The following SGCD variants were observed in gnomAD, a reference collection of about 807,000 sequenced individuals.
SGCD encodes sarcoglycan delta, also known as delta-sarcoglycan.
In SGCD, 18 loss-of-function variants were observed where a neutral mutation model predicts 36.6. The observed-to-expected ratio is 0.49, with a 90% CI of 0.34 to 0.73. The LOEUF (loss-of-function observed/expected upper bound fraction) is 0.73. SGCD is among the 30% of genes least tolerant of loss of function. SGCD has a pLI of 0.01. For synonymous variants in SGCD, 133 were observed against 130.6 expected (o/e 1.02, Z -0.12); for missense variants, 387 against 346.7 (o/e 1.12, Z -0.92).
At chr5:156,123,162 G>A (rs1426052466) in intron 2 of SGCD, among the ~76,000 whole-genome samples, 1 of 152,148 alleles carries the variant, frequency 6.6e-6, no homozygotes, top group Non-Finnish European at 1.5e-5. Flanking sequence ...TTGTTGAAGA[G>A]TCAGTTGATT....
At chr5:155,768,499 C>G in the SGCD span, among the ~76,000 whole-genome samples, 1 of 152,052 alleles carries the variant, frequency 6.6e-6, no homozygotes, top group African/African-American at 2.4e-5. Flanking sequence ...AATTGTCATG[C>G]TCTGGTGGAA....
At chr5:155,874,246 CT>C (rs909814493) in intron 1 of SGCD, among the ~76,000 whole-genome samples, 25 of 152,118 alleles carry the variant, frequency 1.6e-4, no homozygotes, top group African/African-American at 5.8e-4. Flanking sequence ...AAGGAAAGAG[CT>C]TTTTTTACAA....
chr5:156,222,227 A>G (rs189476422), intron 3 of SGCD, among the ~76,000 whole-genome samples: 104 of 152,206 alleles, frequency 6.8e-4, no homozygotes, highest in African/African-American at 2.3e-3. Flanking sequence ...AGAAGTTCCC[A>G]TGAGGGACAG....
chr5:156,335,380 G>T (rs1444826746), intron 2 of SGCD, among the ~76,000 whole-genome samples: 1 of 152,170 alleles, frequency 6.6e-6, no homozygotes, highest in African/African-American at 2.4e-5. Context: ...TGGTTTCTCA[G>T]GACTTGCCTG....
intron 3 of SGCD, among the ~76,000 whole-genome samples, chr5:156,478,294 AG>A (rs1755276923): frequency 6.6e-6 from 1 of 152,198 alleles, no homozygotes; most frequent in Admixed American, 6.5e-5. Flanking sequence ...AGTTGAGCTC[AG>A]CCTCAGACCT....
intron 1 of SGCD, among the ~76,000 whole-genome samples, chr5:156,020,792 T>C (rs1045062652): frequency 1.3e-5 from 2 of 150,042 alleles, no homozygotes; most frequent in Non-Finnish European, 2.9e-5. Flanking sequence ...TCTCATTTAG[T>C]TCTCATAACA....
At chr5:155,730,445 CTGTGTGTGTGTG>C in the SGCD span, among the ~76,000 whole-genome samples, 2,054 of 137,296 alleles carry the variant, frequency 0.015, 33 homozygotes, top group Admixed American at 0.023. Flanking sequence ...GGTAGAGCAG[CTGTGTGTGTGTG>C]TGTGTGTGTG....
intron 3 of SGCD, among the ~76,000 whole-genome samples, chr5:156,245,709 G>T (rs1300476403): frequency 6.6e-6 from 1 of 151,646 alleles, no homozygotes; most frequent in Non-Finnish European, 1.5e-5. Context: ...AACACCATGG[G>T]GATGCAACCA....
chr5:156,156,504 G>A (rs1762968557), intron 3 of SGCD, among the ~76,000 whole-genome samples: 1 of 151,506 alleles, frequency 6.6e-6, no homozygotes. Context: ...TGCGCCAGTA[G>A]TCCCAACTAC....
chr5:155,869,294 G>A (rs960951990), upstream of SGCD, among the ~76,000 whole-genome samples: 1 of 152,106 alleles, frequency 6.6e-6, no homozygotes, highest in Admixed American at 6.6e-5. Context: ...CTGATATTTA[G>A]CAAAGGTTCA....
chr5:155,868,570 A>G (rs940090400), upstream of SGCD, among the ~76,000 whole-genome samples: 6 of 151,936 alleles, frequency 3.9e-5, no homozygotes, highest in Admixed American at 6.6e-5. Context: ...TAAGTAGATG[A>G]TAGAAGCAGT....
At chr5:156,072,629 G>C (rs1581079545) in intron 1 of SGCD, among the ~76,000 whole-genome samples, 1 of 152,140 alleles carries the variant, frequency 6.6e-6, no homozygotes, top group Admixed American at 6.6e-5. Context: ...TCTTCTTGAG[G>C]AGTATCTTTG....
At chr5:156,585,020 G>A (rs1248600055) in intron 4 of SGCD, among the ~76,000 whole-genome samples, 1 of 152,156 alleles carries the variant, frequency 6.6e-6, no homozygotes, top group Non-Finnish European at 1.5e-5. Flanking sequence ...AGATGAACAT[G>A]ACCTCTCAAA....
At chr5:155,838,409 A>G in the SGCD span, among the ~76,000 whole-genome samples, 1 of 152,166 alleles carries the variant, frequency 6.6e-6, no homozygotes, top group African/African-American at 2.4e-5. Flanking sequence ...TATTTGTTGA[A>G]GAAATGAGAA....
intron 2 of SGCD, among the ~76,000 whole-genome samples, chr5:156,336,199 C>T (rs1341072108): frequency 6.6e-6 from 1 of 152,204 alleles, no homozygotes; most frequent in Admixed American, 6.5e-5. Flanking sequence ...GCCTCAGGGC[C>T]TTTGCACTTG....
At chr5:156,016,650 G>A (rs1408454502) in intron 1 of SGCD, among the ~76,000 whole-genome samples, 1 of 152,032 alleles carries the variant, frequency 6.6e-6, no homozygotes. Flanking sequence ...ATAGCATGTT[G>A]TATGTACTGT....
At chr5:155,849,524 A>G in the SGCD span, among the ~76,000 whole-genome samples, 2 of 152,068 alleles carry the variant, frequency 1.3e-5, no homozygotes, top group African/African-American at 2.4e-5. Context: ...TCCCCCATAC[A>G]TACCTGTGGA....
the SGCD span, among the ~76,000 whole-genome samples, chr5:155,781,265 G>A: frequency 6.6e-6 from 1 of 152,108 alleles, no homozygotes; most frequent in African/African-American, 2.4e-5. Context: ...AAGACATGGA[G>A]TCATATGGGT....
At chr5:156,130,549 A>T (rs1034964356) in intron 3 of SGCD, among the ~76,000 whole-genome samples, 1 of 152,056 alleles carries the variant, frequency 6.6e-6, no homozygotes, top group Non-Finnish European at 1.5e-5. Flanking sequence ...TGTCTTTGTC[A>T]TGAAATCTTT....
Sources: gnomAD v4.1 joint callset for allele counts (sites outside exome capture counted in the v4.1 genomes callset) on GRCh38, gnomAD v4.1.1 for gene constraint, MANE v1.5 for transcripts, NCBI Gene and HGNC (gene_info 2026-07-23, HGNC 2026-07-21) for gene names.